RANBP2: variants seen among roughly 807,000 people sequenced by gnomAD.
RANBP2 encodes E3 SUMO-protein ligase RanBP2.
RANBP2 carries 57 observed loss-of-function variants against 303.6 expected under a neutral mutation model. The observed-to-expected ratio is 0.19, with a 90% CI of 0.15 to 0.23. The LOEUF (loss-of-function observed/expected upper bound fraction) is 0.23. Among genes scored for constraint, RANBP2 ranks in the 10% least tolerant of loss-of-function variants. The probability of loss-of-function intolerance (pLI) is 1.00; values close to 1 mark genes in which losing one functional copy is unlikely to be tolerated. For missense variants in RANBP2, 3,138 were observed against 3,780.8 expected (o/e 0.83, Z 4.46); for synonymous variants, 1,167 against 1,301.5 (o/e 0.90, Z 2.23).
At chr2:108,886,336 G>C in the RANBP2 span, among the ~76,000 whole-genome samples, 5 of 152,048 alleles carry the variant, frequency 3.3e-5, no homozygotes, top group Admixed American at 3.3e-4. Flanking sequence ...TTTTCATTCT[G>C]ATGTTGGGCA....
the RANBP2 span, among the ~76,000 whole-genome samples, chr2:109,563,216 G>C: frequency 2.0e-5 from 3 of 152,222 alleles, no homozygotes; most frequent in Middle Eastern, 3.4e-3. Context: ...CCGGCCATAA[G>C]TATATACAAT....
the RANBP2 span, chr2:109,490,893 A>G: frequency 2.0e-6 from 3 of 1,526,430 alleles, no homozygotes; most frequent in Non-Finnish European, 2.6e-6. Flanking sequence ...TCCGCTGTCC[A>G]TGGCTGCCAT....
At chr2:109,287,691 C>T in the RANBP2 span, among the ~76,000 whole-genome samples, 1 of 152,186 alleles carries the variant, frequency 6.6e-6, no homozygotes, top group Non-Finnish European at 1.5e-5. Context: ...CGGATCCTAT[C>T]AGAGGCCTCA....
chr2:109,697,416 C>T, the RANBP2 span, among the ~76,000 whole-genome samples: 2 of 150,428 alleles, frequency 1.3e-5, no homozygotes, highest in Non-Finnish European at 2.9e-5. Flanking sequence ...ACCTGGGAGG[C>T]AGAGGTTGCG....
At chr2:109,171,037 G>T in the RANBP2 span, among the ~76,000 whole-genome samples, 1 of 152,158 alleles carries the variant, frequency 6.6e-6, no homozygotes, top group African/African-American at 2.4e-5. Context: ...CTGGGGGCTG[G>T]GGGAGTCTGT....
At chr2:109,586,672 G>A in the RANBP2 span, among the ~76,000 whole-genome samples, 71 of 152,322 alleles carry the variant, frequency 4.7e-4, no homozygotes, top group African/African-American at 1.6e-3. Flanking sequence ...GAGGAGCTAT[G>A]CAGAGTTTTC....
downstream of RANBP2, among the ~76,000 whole-genome samples, chr2:108,789,982 G>T (rs551695640): frequency 2.0e-5 from 3 of 152,244 alleles, no homozygotes; most frequent in Admixed American, 6.5e-5. Flanking sequence ...AATAATTGTG[G>T]AGAGAAAAAA....
chr2:109,774,523 T>A, the RANBP2 span, among the ~76,000 whole-genome samples: 517 of 80,526 alleles, frequency 6.4e-3, 68 homozygotes, highest in Non-Finnish European at 7.9e-3. Context: ...TAATATATAT[T>A]ATATATATTA....
At chr2:109,356,864 G>A in the RANBP2 span, among the ~76,000 whole-genome samples, 11 of 152,124 alleles carry the variant, frequency 7.2e-5, 1 homozygote, top group South Asian at 6.3e-4. Context: ...ACATGATCAC[G>A]GCCCCCACAG....
chr2:109,128,298 C>T, the RANBP2 span: 1 of 152,272 alleles, frequency 6.6e-6, no homozygotes, highest in Non-Finnish European at 1.5e-5. Context: ...CGCGAATTCA[C>T]CCTCCTCTGC....
the RANBP2 span, among the ~76,000 whole-genome samples, chr2:109,372,318 C>T: frequency 6.6e-6 from 1 of 152,186 alleles, no homozygotes; most frequent in Admixed American, 6.5e-5. Context: ...CTTTAAAACA[C>T]CTGCTAGCCT....
the RANBP2 span, among the ~76,000 whole-genome samples, chr2:108,924,351 G>A: frequency 1.4e-4 from 22 of 152,180 alleles, no homozygotes; most frequent in Admixed American, 7.2e-4. Flanking sequence ...CTCCCAGCTC[G>A]GGCGCCTTCC....
chr2:109,117,417 T>C, the RANBP2 span, among the ~76,000 whole-genome samples: 1 of 152,228 alleles, frequency 6.6e-6, no homozygotes, highest in Non-Finnish European at 1.5e-5. Flanking sequence ...CGAGACTCCA[T>C]GGGCGTAGGA....
the RANBP2 span, chr2:109,501,979 G>T: frequency 1.9e-5 from 6 of 309,512 alleles, no homozygotes; most frequent in East Asian, 5.8e-5. Context: ...GCTGTGGTTT[G>T]CAGCCATGGC....
chr2:109,254,179 T>G, the RANBP2 span, among the ~76,000 whole-genome samples: 1 of 152,170 alleles, frequency 6.6e-6, no homozygotes, highest in Non-Finnish European at 1.5e-5. Context: ...ATCACATTTT[T>G]CTTCTGTTAG....
the RANBP2 span, among the ~76,000 whole-genome samples, chr2:109,498,165 G>T: frequency 3.9e-5 from 6 of 152,214 alleles, no homozygotes; most frequent in Non-Finnish European, 8.8e-5. Context: ...CTTCCCGCCT[G>T]CATGTCCCTG....
Position 108,721,565 on chromosome 2 carries a change from C to T in RANBP2, c.72+1887C>T, listed in dbSNP as rs190342190. ...AAGCGATGCTCCCACCTCAGTCTCCCGAGTAGTTGGGACCACAGGTGTACC... is the reference window on the plus strand; with the variant it reads ...AAGCGATGCTCCCACCTCAGTCTCCTGAGTAGTTGGGACCACAGGTGTACC... On this transcript the variant is annotated intron_variant, in intron 1 of 28. Coordinates refer to ENST00000283195, the MANE Select transcript of RANBP2 (RefSeq NM_006267.5). 2.2e-4 allele frequency among the ~76,000 whole-genome samples: 34 copies of T among 152,190 alleles called. No homozygotes were observed. The East Asian group carries it at 5.8e-3, about 26-fold the overall frequency.
chr2:109,560,261 T>C, the RANBP2 span, among the ~76,000 whole-genome samples: 1 of 152,188 alleles, frequency 6.6e-6, no homozygotes, highest in African/African-American at 2.4e-5. Context: ...GTGGTCTTCA[T>C]TATTCTCCAA....
chr2:108,719,943 C>T (rs962803259), intron 1 of RANBP2, among the ~76,000 whole-genome samples: 1 of 151,712 alleles, frequency 6.6e-6, no homozygotes, highest in Admixed American at 6.6e-5. Flanking sequence ...GGTGCTCGCT[C>T]CTGGGGCCGC....
Sources: gnomAD v4.1 joint callset for allele counts (sites outside exome capture counted in the v4.1 genomes callset) on GRCh38, gnomAD v4.1.1 for gene constraint, MANE v1.5 for transcripts, NCBI Gene and HGNC (gene_info 2026-07-23, HGNC 2026-07-21) for gene names.